The following ABCB4 variants were observed in gnomAD, a reference collection of about 807,000 sequenced individuals.
ABCB4 encodes the protein phosphatidylcholine translocator ABCB4.
ABCB4 carries 76 observed loss-of-function variants against 145.7 expected under a neutral mutation model. The observed-to-expected ratio is 0.52, with a 90% CI of 0.43 to 0.63. ABCB4 has a LOEUF of 0.63. ABCB4 is among the 30% of genes least tolerant of loss of function. The pLI, the probability that ABCB4 is intolerant of heterozygous loss-of-function variation, is 0.00. For missense variants in ABCB4, 1,234 were observed against 1,553.1 expected, an observed-to-expected ratio of 0.79 and a Z score of 3.45; for synonymous variants, 517 against 566.8, an observed-to-expected ratio of 0.91 and a Z score of 1.25.
At chr7:87,398,634 C>G, downstream of ABCB4, 4 of 1,613,162 alleles carry the variant, frequency 2.5e-6, no homozygotes, top group Non-Finnish European at 3.4e-6. Context: ...ATGAACTCTA[C>G]TCATCTTTAG....
chr7:87,431,391 G>A lies in ABCB4; in HGVS notation c.1893+13C>T. 6.2e-7 allele frequency: 1 copy of A among 1,613,936 alleles called. No homozygotes were observed. Among genetic ancestry groups the A allele is most frequent in the South Asian group, 1.1e-5 (1 of 91,054 alleles). On this transcript the variant is annotated intron_variant, in intron 15 of 27. Transcript: ENST00000649586. ...GGAGCAAATAGCAGAAAAAATTCCT[G>A]AAAAGCAAGTACCTGCATGTTGACA... is the stretch of plus-strand genomic sequence containing the variant.
At chr7:87,422,743 A>G (rs1809536912) in intron 17 of ABCB4, among the ~76,000 whole-genome samples, 1 of 152,116 alleles carries the variant, frequency 6.6e-6, no homozygotes, top group South Asian at 2.1e-4. Flanking sequence ...TGAGCATCCT[A>G]TCTGAAACAG....
At chr7:87,417,258 A>G in intron 21 of ABCB4, 54 bp downstream of exon 21, 3 of 1,540,048 alleles carry the variant, frequency 1.9e-6, no homozygotes, top group Non-Finnish European at 1.8e-6. Context: ...AATTCAAATA[A>G]AACACATGTC....
intron 12 of ABCB4, 56 bp from the exon 13 acceptor site, chr7:87,440,458 C>G: frequency 6.9e-7 from 1 of 1,450,974 alleles, no homozygotes; most frequent in Non-Finnish European, 9.6e-7. Flanking sequence ...GCTGAAGTAT[C>G]AGGACCATTC....
At position 87,469,607 on chromosome 7, in the gene ABCB4, T is replaced by C. The variant is rs1369040019; in HGVS notation, c.135+3014A>G. Among the ~76,000 whole-genome samples, 3 of 152,132 alleles carry C rather than the reference T, an allele frequency of 2.0e-5. No individual in the cohort carries two copies. The East Asian group carries it at 5.8e-4, about 29-fold the overall frequency. ...ACAGAGAGCCAAATCATGAGTGAAC[T>C]CCCATTCACAATTGCTTCAAAGAGA... On this transcript the variant is annotated intron_variant, in intron 3 of 27. Coordinates refer to ENST00000649586, the MANE Select transcript of ABCB4 (RefSeq NM_000443.4).
chr7:87,387,503 T>A, the ABCB4 span, among the ~76,000 whole-genome samples: 1 of 151,750 alleles, frequency 6.6e-6, no homozygotes, highest in Non-Finnish European at 1.5e-5. Flanking sequence ...ATCATGGAGG[T>A]TAGGGGTCCC....
chr7:87,432,100 T>C (rs1810280077), intron 14 of ABCB4, among the ~76,000 whole-genome samples: 1 of 152,188 alleles, frequency 6.6e-6, no homozygotes, highest in Non-Finnish European at 1.5e-5. Context: ...ATCCAAAGCA[T>C]AATCTCTAGA....
At chr7:87,475,539 G>A (rs1004185317) in intron 1 of ABCB4, 68 bp from the exon 2 acceptor site, 4 of 1,520,692 alleles carry the variant, frequency 2.6e-6, no homozygotes, top group East Asian at 4.7e-5. Flanking sequence ...GAGTCGCGGG[G>A]CCCGGGGGCA....
At chr7:87,411,741 T>A (rs1808637939) in intron 23 of ABCB4, 152 bp downstream of exon 23, 1 of 682,540 alleles carries the variant, frequency 1.5e-6, no homozygotes, top group South Asian at 1.9e-5. Flanking sequence ...CAAGATCAGA[T>A]CTCTGTGCCT....
chr7:87,396,727 A>G (rs1807538453), downstream of ABCB4, among the ~76,000 whole-genome samples: 1 of 152,166 alleles, frequency 6.6e-6, no homozygotes, highest in African/African-American at 2.4e-5. Context: ...AAACTACATA[A>G]GAACAAAGTT....
At chr7:87,429,364 C>G (rs1232069177) in intron 15 of ABCB4, among the ~76,000 whole-genome samples, 1 of 152,230 alleles carries the variant, frequency 6.6e-6, no homozygotes, top group Non-Finnish European at 1.5e-5. Context: ...ATGACTTGCT[C>G]AAAGCTATTG....
At chr7:87,409,735 G>A (rs1808473686) in intron 23 of ABCB4, among the ~76,000 whole-genome samples, 1 of 152,150 alleles carries the variant, frequency 6.6e-6, no homozygotes, top group Non-Finnish European at 1.5e-5. Context: ...TTTAGTTGCT[G>A]GTTATACTCT....
At chr7:87,439,927 C>T (rs1810858777) in intron 13 of ABCB4, 90 bp from the exon 14 acceptor site, 1 of 1,530,796 alleles carries the variant, frequency 6.5e-7, no homozygotes, top group Non-Finnish European at 9.0e-7. Flanking sequence ...CAACATGGAG[C>T]TTTGTCTTAA....
intron 21 of ABCB4, among the ~76,000 whole-genome samples, chr7:87,416,995 T>C (rs1809020963): frequency 6.6e-6 from 1 of 152,228 alleles, no homozygotes; most frequent in Admixed American, 6.5e-5. Context: ...GCATGAAGGT[T>C]TGTGAAACAG....
upstream of ABCB4, chr7:87,475,817 C>T (rs1217013354): frequency 1.1e-5 from 2 of 174,658 alleles, no homozygotes; most frequent in Non-Finnish European, 2.4e-5. Context: ...CAGCTCCCGC[C>T]GCCCGCCCAG....
chr7:87,366,680 T>C, the ABCB4 span, among the ~76,000 whole-genome samples: 1 of 152,216 alleles, frequency 6.6e-6, no homozygotes, highest in Non-Finnish European at 1.5e-5. Context: ...CACTTCTTTC[T>C]GGTTCTTCAC....
At chr7:87,405,978 T>C (rs1808156206) in intron 26 of ABCB4, 1 of 418,140 alleles carries the variant, frequency 2.4e-6, no homozygotes, top group African/African-American at 2.0e-5. Context: ...TATCTCAAAA[T>C]AAAAACTATA....
intron 4 of ABCB4, among the ~76,000 whole-genome samples, chr7:87,456,222 T>C (rs746786526): frequency 9.9e-5 from 15 of 152,216 alleles, no homozygotes; most frequent in Non-Finnish European, 1.9e-4. Context: ...AAATCTTAAA[T>C]AAGTTTTTCC....
intron 26 of ABCB4, among the ~76,000 whole-genome samples, chr7:87,404,266 C>A (rs1808021823): frequency 1.3e-5 from 2 of 152,074 alleles, no homozygotes; most frequent in African/African-American, 4.8e-5. Flanking sequence ...CCCAGTGGAA[C>A]CCCGAATGCT....
Sources: gnomAD v4.1 joint callset for allele counts (sites outside exome capture counted in the v4.1 genomes callset) on GRCh38, gnomAD v4.1.1 for gene constraint, MANE v1.5 for transcripts, NCBI Gene and HGNC (gene_info 2026-07-23, HGNC 2026-07-21) for gene names.